Variants in ABL1 observed in about 807,000 individuals in gnomAD.
ABL1 encodes tyrosine-protein kinase ABL1.
ABL1 carries 11 observed loss-of-function variants against 94.7 expected under a neutral mutation model. The ratio of observed to expected loss-of-function variants is 0.12; its 90% CI spans 0.07 to 0.19. ABL1 has a LOEUF of 0.19. Ranked by LOEUF, ABL1 falls within the 10% of genes least tolerant of loss-of-function variation. The pLI is 1.00. For missense variants in ABL1, 1,082 were observed against 1,489.4 expected (o/e 0.73, Z 4.50); for synonymous variants, 656 against 622.4 (o/e 1.05, Z -0.80).
chr9:130,813,582 A>AAAAG (rs1830242525), intron 1 of ABL1, among the ~76,000 whole-genome samples: 1 of 150,854 alleles, frequency 6.6e-6, no homozygotes, highest in African/African-American at 2.4e-5. Context: ...AAAAAAAAAA[A>AAAAG]AAAGAAAGTA....
intron 1 of ABL1, among the ~76,000 whole-genome samples, chr9:130,723,865 G>T (rs1474352780): frequency 6.7e-6 from 1 of 150,318 alleles, no homozygotes; most frequent in African/African-American, 2.5e-5. Context: ...AGGCTGGAGT[G>T]CAGTGGCGCG....
rs80044737 is a variant in ABL1, at chr9:130,754,999, A to G, written c.136+40544A>G. ...CAAAGATGACCTTGAGTACCAAGCC[A>G]AAGATTTTGGAGATATTTGGTGGAC... On this transcript the variant is annotated intron_variant, in intron 1 of 10. Coordinates refer to the ABL1 transcript ENST00000372348. Among the ~76,000 whole-genome samples, 1,151 of 152,304 alleles carry G rather than the reference A, an allele frequency of 7.6e-3. 23 individuals are homozygous for G. Among genetic ancestry groups the G allele is most frequent in the African/African-American group, 0.027 (1,117 of 41,556 alleles).
At chr9:130,762,928 A>G (rs1832135267) in intron 1 of ABL1, among the ~76,000 whole-genome samples, 1 of 149,470 alleles carries the variant, frequency 6.7e-6, no homozygotes, top group South Asian at 2.1e-4. Context: ...AAAAAAAAAG[A>G]AAAGGAAACC....
intron 1 of ABL1, among the ~76,000 whole-genome samples, chr9:130,826,576 A>G (rs1308004227): frequency 1.3e-5 from 2 of 152,188 alleles, no homozygotes; most frequent in African/African-American, 4.8e-5. Context: ...ATTAAGAGTG[A>G]GCTGGTTTGC....
chr9:130,821,840 ATTTTT>A (rs71389365), intron 1 of ABL1, among the ~76,000 whole-genome samples: 40 of 109,960 alleles, frequency 3.6e-4, no homozygotes, highest in African/African-American at 1.0e-3. Context: ...TATTATTATT[ATTTTT>A]TTTTTTTTTT....
chr9:130,872,718 C>G lies in ABL1; in HGVS notation c.908-142C>G. On this transcript the variant is annotated intron_variant, in intron 5 of 10. Transcript: ENST00000318560. This position sits in a 1 kb window ranked among gnomAD's most constrained non-coding sequence, Gnocchi z 5.0. Reference sequence around the variant, plus strand: ...CCCACACGAGCACAGTCTCAGGATGCAGGTGCTTGGGACCATGTTGGAAGT... The same window carrying G: ...CCCACACGAGCACAGTCTCAGGATGGAGGTGCTTGGGACCATGTTGGAAGT... 1 of 742,900 alleles carries G rather than the reference C, an allele frequency of 1.3e-6. No individual in the cohort carries two copies. Among genetic ancestry groups the G allele is most frequent in the Non-Finnish European group, 2.2e-6 (1 of 463,336 alleles). The allele number at this position is 742,900 out of a possible 1,614,324, so 46.0% of individuals were successfully genotyped here. A position where few individuals can be genotyped will look rare whatever the true frequency, so the allele number is the denominator to read the frequency against.
At chr9:130,792,895 A>G (rs1283717680) in intron 1 of ABL1, among the ~76,000 whole-genome samples, 2 of 152,214 alleles carry the variant, frequency 1.3e-5, no homozygotes, top group East Asian at 1.9e-4. Context: ...TGCCTCTACA[A>G]ACTGACGGCT....
At chr9:130,873,134 C>T in intron 6 of ABL1, 97 bp downstream of exon 6, 2 of 1,276,144 alleles carry the variant, frequency 1.6e-6, no homozygotes, top group South Asian at 1.5e-5. Flanking sequence ...TCTCAGGGCG[C>T]AGCTTCTAAC....
intron 1 of ABL1, among the ~76,000 whole-genome samples, chr9:130,807,276 T>C (rs569328628): frequency 2.0e-5 from 3 of 152,312 alleles, no homozygotes; most frequent in Non-Finnish European, 4.4e-5. Flanking sequence ...TGACATGCAG[T>C]CTCACTCTGT....
At chr9:130,854,763 C>T in intron 2 of ABL1, 38 bp from the exon 3 acceptor site, 1 of 1,569,728 alleles carries the variant, frequency 6.4e-7, no homozygotes, top group Non-Finnish European at 8.6e-7. Context: ...AGCTGGTTTC[C>T]AAAGCTGATA....
chr9:130,851,009 C>T (rs903033819), intron 1 of ABL1, among the ~76,000 whole-genome samples: 2 of 151,540 alleles, frequency 1.3e-5, no homozygotes, highest in African/African-American at 2.4e-5. Context: ...CTGCAAGCTC[C>T]GCCTCCCGGG....
At chr9:130,819,586 CG>C (rs980837337) in intron 1 of ABL1, among the ~76,000 whole-genome samples, 2 of 141,020 alleles carry the variant, frequency 1.4e-5, no homozygotes, top group Non-Finnish European at 3.0e-5. Flanking sequence ...TCACCCAGGC[CG>C]GAGTGCAGTG....
intron 1 of ABL1, among the ~76,000 whole-genome samples, chr9:130,841,812 A>C (rs935185238): frequency 1.3e-5 from 2 of 149,344 alleles, no homozygotes; most frequent in African/African-American, 4.9e-5. Context: ...ACTCCAGCTC[A>C]AAAAAAAAAG....
intron 1 of ABL1, among the ~76,000 whole-genome samples, chr9:130,840,121 G>A (rs1830648831): frequency 6.6e-6 from 1 of 152,216 alleles, no homozygotes; most frequent in South Asian, 2.1e-4. Flanking sequence ...ATATTTAGCA[G>A]CCTAAAATGG....
At chr9:130,801,482 T>C (rs1050363259) in intron 1 of ABL1, among the ~76,000 whole-genome samples, 11 of 152,254 alleles carry the variant, frequency 7.2e-5, no homozygotes, top group Admixed American at 7.2e-4. Flanking sequence ...TGCTTCAGCC[T>C]CCCAAAGTGC....
At chr9:130,870,280 G>A (rs1274483868) in intron 4 of ABL1, among the ~76,000 whole-genome samples, 1 of 151,946 alleles carries the variant, frequency 6.6e-6, no homozygotes. Flanking sequence ...GCCTTTGAGA[G>A]CCATGTTCCT....
intron 1 of ABL1, among the ~76,000 whole-genome samples, chr9:130,808,656 T>G (rs1397410079): frequency 6.6e-6 from 1 of 152,162 alleles, no homozygotes; most frequent in African/African-American, 2.4e-5. Flanking sequence ...TAAGACAGTT[T>G]CACCTTGAAC....
intron 1 of ABL1, among the ~76,000 whole-genome samples, chr9:130,744,070 C>CT (rs879639788): frequency 3.3e-4 from 49 of 147,602 alleles, no homozygotes; most frequent in South Asian, 1.7e-3. Context: ...CATTTATTAA[C>CT]TTTTTTTTTT....
chr9:130,833,231 A>AG (rs1830515121), upstream of ABL1, among the ~76,000 whole-genome samples: 3 of 152,378 alleles, frequency 2.0e-5, no homozygotes, highest in South Asian at 4.1e-4. Context: ...CTTGGCATTA[A>AG]GCCGCCAATT....
Sources: gnomAD v4.1 joint callset for allele counts (sites outside exome capture counted in the v4.1 genomes callset) on GRCh38, gnomAD v4.1.1 for gene constraint, Gnocchi (gnomAD v3.1) non-coding constraint, MANE v1.5 for transcripts, NCBI Gene and HGNC (gene_info 2026-07-23, HGNC 2026-07-21) for gene names.